HSPG2: variants seen among roughly 807,000 people sequenced by gnomAD.
The protein encoded by HSPG2 is heparan sulfate proteoglycan 2.
Under a neutral mutation model 526.6 loss-of-function variants are expected in HSPG2, and 278 were observed. The observed-to-expected ratio is 0.53, with a 90% CI of 0.48 to 0.58. The LOEUF (loss-of-function observed/expected upper bound fraction) is 0.58. Ranked by LOEUF, HSPG2 falls within the 20% of genes least tolerant of loss-of-function variation. The pLI, the probability that HSPG2 is intolerant of heterozygous loss-of-function variation, is 0.00. For missense variants in HSPG2, 5,354 were observed against 6,099.5 expected, an observed-to-expected ratio of 0.88 and a Z score of 4.07; for synonymous variants, 2,465 against 2,555.4, an observed-to-expected ratio of 0.96 and a Z score of 1.07.
At chr1:21,826,536 G>C (rs1395529911) in intron 91 of HSPG2, among the ~76,000 whole-genome samples, 2 of 150,454 alleles carry the variant, frequency 1.3e-5, no homozygotes, top group Non-Finnish European at 3.0e-5. Context: ...AGGGAGTTTC[G>C]CTCTTGTTGC....
At position 21,824,461 on chromosome 1, in the gene HSPG2, C is replaced by G. The variant is rs556925269; in HGVS notation, c.12744+76G>C. 43 of 1,603,014 alleles carry G rather than the reference C, an allele frequency of 2.7e-5. No individual in the cohort carries two copies. In the African/African-American group the frequency reaches 5.5e-4, roughly 20 times the overall value. ...CCAGGGGGCTCTGCTTTCCCCTCCC[C>G]CCACCACTCCGGCCACCAGGAAGCC... On this transcript the variant is annotated intron_variant, in intron 93 of 96. Transcript: ENST00000374695. This position sits in a 1 kb window ranked among gnomAD's most constrained non-coding sequence, Gnocchi z 5.9.
rs1306293409 is a variant in HSPG2, at chr1:21,872,105, G to A, written c.4221+81C>T. The A allele has an allele frequency of 8.9e-6, 13 of 1,466,830 alleles. No individual in the cohort carries two copies. Among genetic ancestry groups the A allele is most frequent in the Non-Finnish European group, 9.3e-6 (10 of 1,071,760 alleles). 90.9% of individuals were successfully genotyped at this position (1,466,830 alleles called of 1,614,324 possible). A position where few individuals can be genotyped will look rare whatever the true frequency, so the allele number is the denominator to read the frequency against. ...CCACGATATGGCCATGCAGGTGGCA[G>A]GTGCCTGCCTGCTGAGAGACGGCGC... On this transcript the variant is annotated intron_variant, in intron 33 of 96. Coordinates refer to ENST00000374695, the MANE Select transcript of HSPG2 (RefSeq NM_005529.7). The surrounding 1 kb of genome is among the most constrained non-coding windows in gnomAD (Gnocchi z 5.5).
rs748263244 is a variant in HSPG2, at chr1:21,843,400, C to G, written c.8655G>C (p.Pro2885=). The G allele has an allele frequency of 2.5e-6, 4 of 1,613,768 alleles. No individual in the cohort carries two copies. The highest frequency in any genetic ancestry group is 3.4e-6 in the Non-Finnish European group (4 of 1,179,880). ...GPLLRLNQVS[P]ADSGEYSCQV... Reference sequence around the variant, plus strand: ...GGCACGAGTACTCGCCAGAGTCAGCCGGGGACACCTGGTTCAGCCTCAGCA... The same window carrying G: ...GGCACGAGTACTCGCCAGAGTCAGCGGGGGACACCTGGTTCAGCCTCAGCA... Residue 2885 remains proline (P), a synonymous_variant, in exon 66 of 97, where the codon CCG becomes CCC. Coordinates refer to ENST00000374695, the MANE Select transcript of HSPG2 (RefSeq NM_005529.7).
At chr1:21,874,265 A>T in intron 28 of HSPG2, 141 bp downstream of exon 28, 1 of 1,169,074 alleles carries the variant, frequency 8.6e-7, no homozygotes. Flanking sequence ...AGTGAAGTGT[A>T]TCTCACACCA....
chr1:21,885,456 G>A lies in HSPG2; in HGVS notation c.1079-5C>T. ...CTTCCTCAGGACGCTTGGTGGCTGG[G>A]GACAAAGCCAGGTGGTTCCCAATAG... is the stretch of plus-strand genomic sequence containing the variant. On this transcript the variant is annotated splice_polypyrimidine_tract_variant and splice_region_variant and intron_variant, in intron 9 of 96. Coordinates refer to ENST00000374695, the MANE Select transcript of HSPG2 (RefSeq NM_005529.7). 1 of 1,613,930 alleles carries A rather than the reference G, an allele frequency of 6.2e-7. No homozygotes were observed. Among genetic ancestry groups the A allele is most frequent in the Non-Finnish European group, 8.5e-7 (1 of 1,179,970 alleles).
At chr1:21,936,563 C>T (rs1405358430) in intron 1 of HSPG2, among the ~76,000 whole-genome samples, 1 of 152,212 alleles carries the variant, frequency 6.6e-6, no homozygotes, top group Non-Finnish European at 1.5e-5. Context: ...CCCCAGGTCA[C>T]ACAGTTACTC....
rs756220552 is a variant in HSPG2, at chr1:21,823,458, C to CCGGTCAG, written c.13027_13033dup (p.Gly4345AlafsTer173). On this transcript the variant is annotated frameshift_variant, in exon 97 of 97. Coordinates refer to ENST00000374695, the MANE Select transcript of HSPG2 (RefSeq NM_005529.7). LOFTEE classifies it high-confidence loss of function. ...TGTGATGCCTGAGGAGAATCTGCCC[C>CCGGTCAG]CGGTCAGCGTGGCCACGTCAGGGGC... is the stretch of plus-strand genomic sequence containing the variant. The CCGGTCAG allele has an allele frequency of 6.3e-7, 1 of 1,596,074 alleles. No individual in the cohort carries two copies. The highest frequency in any genetic ancestry group is 8.5e-7 in the Non-Finnish European group (1 of 1,175,586).
chr1:21,880,468 A>T lies in HSPG2; in HGVS notation c.2090T>A (p.Val697Glu). ...CACGCTGGCCATCTTGGTGTTGTACACGGTCTGGATGAGCACGGCCTCCAG... is the reference window on the plus strand; with the variant it reads ...CACGCTGGCCATCTTGGTGTTGTACTCGGTCTGGATGAGCACGGCCTCCAG... ...QSLEAVLIQTVYNTKMASVGL... is the reference protein window; with the variant it reads ...QSLEAVLIQTEYNTKMASVGL... Residue 697 changes from valine (V) to glutamate (E), a missense_variant, in exon 16 of 97, where the codon GTG becomes GAG. Val to Glu is a moderately radical substitution (Grantham distance 121). Transcript: ENST00000374695. 6.2e-7 allele frequency: 1 copy of T among 1,613,864 alleles called. No homozygotes were observed. Among genetic ancestry groups the T allele is most frequent in the Non-Finnish European group, 8.5e-7 (1 of 1,179,984 alleles).
Position 21,857,029 on chromosome 1 carries a change from G to A in HSPG2, c.5561C>T (p.Thr1854Ile), listed in dbSNP as rs746384412. ...NMFAMDQGTATLHVQASGTLS... is the reference protein window; with the variant it reads ...NMFAMDQGTAILHVQASGTLS... ...GGGAGGTGTACCCTGCACATGTAGA[G>A]TGGCTGTGCCCTGGTCCATGGCAAA... Residue 1854 changes from threonine (T) to isoleucine (I), a missense_variant, in exon 44 of 97, where the codon ACT (threonine) becomes ATT (isoleucine). Transcript: ENST00000374695. 1 of 1,614,176 alleles carries A rather than the reference G, an allele frequency of 6.2e-7. No homozygotes were observed.
chr1:21,862,101 G>T lies in HSPG2; in HGVS notation c.4755C>A (p.Asn1585Lys). 1 of 1,613,222 alleles carries T rather than the reference G, an allele frequency of 6.2e-7. No homozygotes were observed. The highest frequency in any genetic ancestry group is 1.7e-4 in the Middle Eastern group (1 of 6,054). The change falls in exon 38 of 97, where the codon AAC becomes AAA. Residue 1585 changes from asparagine to lysine, a missense_variant. By Grantham distance (94) the Asn-to-Lys change is moderately conservative. Transcript: ENST00000374695. ...ETGACSQCQHNAAGEFCELCA... is the reference protein window; with the variant it reads ...ETGACSQCQHKAAGEFCELCA... ...AAAGCTCGCAGAACTCCCCTGCGGC[G>T]TTGTGCTGGCATTGCTGCAGGGCAC...
At position 21,864,918 on chromosome 1, in the gene HSPG2, C is replaced by A. The variant is rs142288625; in HGVS notation, c.4551G>T (p.Gly1517=). Residue 1517 remains glycine (G), a synonymous_variant, in exon 36 of 97, where the codon GGG becomes GGT. Transcript: ENST00000374695. This position sits in a 1 kb window ranked among gnomAD's most constrained non-coding sequence, Gnocchi z 4.8. ...CGAGGGCGCGGGGTCTGTTTGAGGGCCCCGGCTGGGCGACCTCCAGGCTGA... is the reference window on the plus strand; with the variant it reads ...CGAGGGCGCGGGGTCTGTTTGAGGGACCCGGCTGGGCGACCTCCAGGCTGA... The part of the protein sequence containing the change: ...SAVSLEVAQP[G]PSNRPRALEV... 1.9e-6 allele frequency: 3 copies of A among 1,608,990 alleles called. No individual in the cohort carries two copies. The highest frequency in any genetic ancestry group is 1.7e-6 in the Non-Finnish European group (2 of 1,179,058).
Position 21,884,598 on chromosome 1 carries a change from G to T in HSPG2, c.1584C>A (p.Ser528Arg), listed in dbSNP as rs903669668. Residue 528 changes from serine to arginine, a missense_variant, in exon 13 of 97, where the codon AGC becomes AGA. Ser to Arg is a moderately radical substitution (Grantham distance 110). Coordinates refer to ENST00000374695, the MANE Select transcript of HSPG2 (RefSeq NM_005529.7). ...CLPCFCFGIT[S>R]VCQSTRRFRD... ...GGAAGCGGCGGGTGCTCTGGCACAC[G>T]CTGGTGATGCCAAAGCAGAAGCAGG... is the stretch of plus-strand genomic sequence containing the variant. 2.5e-6 allele frequency: 4 copies of T among 1,610,636 alleles called. No homozygotes were observed. The highest frequency in any genetic ancestry group is 4.5e-5 in the East Asian group (2 of 44,872).
rs765084179 is a variant in HSPG2, at chr1:21,890,987, C to A, written c.245-293G>T. Among the ~76,000 whole-genome samples, 6 of 152,322 alleles carry A rather than the reference C, an allele frequency of 3.9e-5. No homozygotes were observed. In the East Asian group the frequency reaches 7.7e-4, roughly 20 times the overall value. ...CCCCACAGTTCAGAGGAAGGCTGGACAAGAAGGGGTGGCTCCCAGAGGGAG... is the reference window on the plus strand; with the variant it reads ...CCCCACAGTTCAGAGGAAGGCTGGAAAAGAAGGGGTGGCTCCCAGAGGGAG... On this transcript the variant is annotated intron_variant, in intron 3 of 96. Transcript: ENST00000374695. This position sits in a 1 kb window ranked among gnomAD's most constrained non-coding sequence, Gnocchi z 4.1.
chr1:21,888,749 C>T (rs41266013), intron 6 of HSPG2: 25,996 of 1,353,338 alleles, frequency 0.019, 401 homozygotes, highest in Admixed American at 0.073. Context: ...AGTGGCTGTT[C>T]CACCTGGGAG....
rs915378533 is a variant in HSPG2, at chr1:21,937,293, C to G, written c.-76G>C. 8.7e-6 allele frequency: 4 copies of G among 461,626 alleles called. No homozygotes were observed. The highest frequency in any genetic ancestry group is 8.5e-5 in the South Asian group (1 of 11,784). 28.6% of individuals were successfully genotyped at this position (461,626 alleles called of 1,614,324 possible). On this transcript the variant is annotated 5_prime_UTR_variant, in exon 1 of 97. Transcript: ENST00000374695. ...GCGCCGCCCGCAGCCGCCCGCTCGC[C>G]GGCCAGCTCGGGACAGCGCGGCCCT...
chr1:21,884,528 C>G lies in HSPG2; in HGVS notation c.1654G>C (p.Gly552Arg). 1.9e-6 allele frequency: 3 copies of G among 1,611,152 alleles called. No individual in the cohort carries two copies. The highest frequency in any genetic ancestry group is 2.5e-6 in the Non-Finnish European group (3 of 1,179,884). Residue 552 changes from glycine (G) to arginine (R), a missense_variant and splice_region_variant, in exon 13 of 97, where the codon GGT becomes CGT. Physicochemically the swap from Gly to Arg is moderately radical, Grantham distance 125. Transcript: ENST00000374695. ...AGCGCTCACCCGCCCGCCAACGCAC[C>G]CTTGAAGTCATCGGGTTGGTCAAAG... ...LRFDQPDDFK[G>R]VNVTMPAQPG...
At chr1:21,888,685 G>A (rs537737406) in intron 6 of HSPG2, 15 of 1,365,128 alleles carry the variant, frequency 1.1e-5, no homozygotes, top group East Asian at 9.1e-5. Context: ...CACTGCGACC[G>A]CCACAGCGGC....
intron 74 of HSPG2, among the ~76,000 whole-genome samples, chr1:21,838,135 CAAAAAA>C (rs35291473): frequency 4.0e-4 from 30 of 75,286 alleles, no homozygotes; most frequent in African/African-American, 1.5e-3. Flanking sequence ...GATTCTGTCT[CAAAAAA>C]AAAAAAAAAA....
rs780112493 is a variant in HSPG2 at position 21,839,872 on chromosome 1, T to C, written c.9659A>G (p.Glu3220Gly). ...CGTGTGTCCAGCCTCCACAGTCAGC[T>C]CAGCTTCTTCAGCTTGGACCTGAGG... ...GAPQVQAEEA[E>G]LTVEAGHTAT... The change falls in exon 72 of 97, where the codon GAG (glutamate) becomes GGG (glycine). Residue 3220 changes from glutamate to glycine, a missense_variant. By Grantham distance (98) the Glu-to-Gly change is moderately conservative. Transcript: ENST00000374695. This position sits in a 1 kb window ranked among gnomAD's most constrained non-coding sequence, Gnocchi z 4.5. The C allele has an allele frequency of 3.7e-6, 6 of 1,614,000 alleles. No individual in the cohort carries two copies. The highest frequency in any genetic ancestry group is 4.2e-6 in the Non-Finnish European group (5 of 1,180,042).
Sources: allele counts gnomAD v4.1 joint callset (sites outside exome capture counted in the v4.1 genomes callset), GRCh38; gene constraint gnomAD v4.1.1; non-coding constraint Gnocchi (gnomAD v3.1); transcripts MANE v1.5; gene names NCBI Gene and HGNC (gene_info 2026-07-23, HGNC 2026-07-21).